The following CEP43 variants were observed in gnomAD, a reference collection of about 807,000 sequenced individuals.
CEP43 encodes centrosomal protein 43.
CEP43 carries 36 observed loss-of-function variants against 52.6 expected under a neutral mutation model. The observed-to-expected ratio is 0.68, with a 90% CI of 0.52 to 0.90. The LOEUF is 0.90. Among genes scored for constraint, CEP43 ranks in the 40% least tolerant of loss-of-function variants. The probability of loss-of-function intolerance (pLI) is 0.00; values close to 1 mark genes in which losing one functional copy is unlikely to be tolerated. For synonymous variants in CEP43, 192 were observed against 172.4 expected (o/e 1.11, Z -0.89); for missense variants, 506 against 472.8 (o/e 1.07, Z -0.65).
At chr6:167,005,627 T>G (rs1286263262) in intron 5 of CEP43, among the ~76,000 whole-genome samples, 1 of 152,220 alleles carries the variant, frequency 6.6e-6, no homozygotes. Context: ...GCGCAGGTTG[T>G]CACTTCAGCT....
At chr6:167,019,052 A>G (rs1780164749) in intron 7 of CEP43, among the ~76,000 whole-genome samples, 1 of 152,230 alleles carries the variant, frequency 6.6e-6, no homozygotes, top group Non-Finnish European at 1.5e-5. Context: ...ACGTTGAGCC[A>G]CGGCTTCCAG....
intron 10 of CEP43, among the ~76,000 whole-genome samples, chr6:167,028,814 CAT>C (rs917740922): frequency 2.0e-5 from 3 of 152,180 alleles, no homozygotes; most frequent in African/African-American, 7.2e-5. Flanking sequence ...GTTATTTAGA[CAT>C]ATTGAAATAA....
intron 7 of CEP43, among the ~76,000 whole-genome samples, chr6:167,019,540 A>T (rs907198415): frequency 1.3e-5 from 2 of 152,214 alleles, no homozygotes; most frequent in African/African-American, 4.8e-5. Flanking sequence ...TAAAGTAGTA[A>T]CATGTTACTG....
In CEP43 at chr6:167,026,626, T is replaced by A. The variant is rs944930285; in HGVS notation, c.988+11T>A. ...GATCACTTGGATTAGGTAATTAGATTTCTAGTTTTTGTGCTGATCGTTTTA... is the reference window on the plus strand; with the variant it reads ...GATCACTTGGATTAGGTAATTAGATATCTAGTTTTTGTGCTGATCGTTTTA... On this transcript the variant is annotated intron_variant, in intron 10 of 12. Coordinates refer to ENST00000366847, the MANE Select transcript of CEP43 (RefSeq NM_007045.4). The A allele has an allele frequency of 3.3e-6, 5 of 1,533,360 alleles. No homozygotes were observed. The highest frequency in any genetic ancestry group is 9.0e-7 in the Non-Finnish European group (1 of 1,107,010). 95.0% of individuals were successfully genotyped at this position (1,533,360 alleles called of 1,614,324 possible). A position where few individuals can be genotyped will look rare whatever the true frequency, so the allele number is the denominator to read the frequency against.
Position 167,045,600 on chromosome 6 carries a change from T to C in CEP43, c.*5622T>C, listed in dbSNP as rs1362681305. The C allele has an allele frequency of 6.6e-6, 1 of 151,942 alleles. No individual in the cohort carries two copies. The highest frequency in any genetic ancestry group is 1.5e-5 in the Non-Finnish European group (1 of 68,048). The allele number at this position is 151,942 out of a possible 1,614,324, so 9.4% of individuals were successfully genotyped here. On this transcript the variant is annotated 3_prime_UTR_variant, in exon 13 of 13. Transcript: ENST00000366847. ...CAGAAAAAAAATGAGCTGGGTGCGA[T>C]GGTGGGTGCCTGCAGTCCCAGCTAC...
In CEP43 at chr6:167,047,443, G is replaced by GGGAT. The variant is rs1452852263; in HGVS notation, c.*7466_*7469dup. On this transcript the variant is annotated 3_prime_UTR_variant, in exon 13 of 13. Transcript: ENST00000366847. The stretch of plus-strand genomic sequence containing the variant: ...ATTCTCAGTTTTCTCATCTGTAAAG[G>GGGAT]GGATTAAATACTTCCTTCCCTTACA... The GGGAT allele has an allele frequency of 1.3e-5, 2 of 152,114 alleles. No individual in the cohort carries two copies. The highest frequency in any genetic ancestry group is 2.9e-5 in the Non-Finnish European group (2 of 68,030). 9.4% of individuals were successfully genotyped at this position (152,114 alleles called of 1,614,324 possible).
At chr6:167,017,776 C>T (rs998783608) in intron 7 of CEP43, among the ~76,000 whole-genome samples, 2 of 152,080 alleles carry the variant, frequency 1.3e-5, no homozygotes, top group African/African-American at 4.8e-5. Context: ...CTTATGGCTG[C>T]ACTATAATTT....
chr6:167,027,899 T>G (rs1332764569), intron 10 of CEP43: 1 of 985,634 alleles, frequency 1.0e-6, no homozygotes. Flanking sequence ...GCCCGGATTC[T>G]TGTTCCGCAC....
intron 8 of CEP43, among the ~76,000 whole-genome samples, chr6:167,022,931 A>G (rs1229818094): frequency 6.6e-6 from 1 of 152,068 alleles, no homozygotes. Context: ...CAGGAAGCTC[A>G]TGCTCTGGTG....
intron 7 of CEP43, 74 bp downstream of exon 7, chr6:167,013,641 C>T: frequency 8.3e-7 from 1 of 1,199,656 alleles, no homozygotes; most frequent in Non-Finnish European, 1.2e-6. Context: ...TCCTGGAGCG[C>T]TGGGCTCCTG....
chr6:167,008,993 A>T (rs1396295007), intron 5 of CEP43, among the ~76,000 whole-genome samples: 1 of 152,130 alleles, frequency 6.6e-6, no homozygotes, highest in Non-Finnish European at 1.5e-5. Context: ...GGTGGCTCAC[A>T]CCTGTAATTC....
chr6:167,003,084 G>A, intron 2 of CEP43, 109 bp from the exon 3 acceptor site: 1 of 547,192 alleles, frequency 1.8e-6, no homozygotes. Flanking sequence ...AACAGTTGTA[G>A]AATGGATTTT....
intron 7 of CEP43, among the ~76,000 whole-genome samples, chr6:167,016,393 C>G (rs1338576670): frequency 2.6e-5 from 4 of 152,144 alleles, no homozygotes; most frequent in Non-Finnish European, 4.4e-5. Flanking sequence ...GCTAGGACAA[C>G]AGGTGCATGC....
intron 10 of CEP43, chr6:167,028,153 T>C (rs2128665824): frequency 3.0e-6 from 3 of 985,144 alleles, no homozygotes; most frequent in East Asian, 1.1e-4. Flanking sequence ...CTTTGTGTTC[T>C]GTTTTTTTCA....
intron 10 of CEP43, chr6:167,028,628 T>C: frequency 3.2e-6 from 1 of 314,368 alleles, no homozygotes; most frequent in Non-Finnish European, 4.6e-6. Context: ...GGTAAGTGCC[T>C]GGCACTGTAC....
chr6:167,039,953 C>A lies in CEP43; in HGVS notation c.1175C>A (p.Ala392Glu). The A allele has an allele frequency of 6.2e-7, 1 of 1,613,638 alleles. No individual in the cohort carries two copies. Among genetic ancestry groups the A allele is most frequent in the Non-Finnish European group, 8.5e-7 (1 of 1,179,784 alleles). ...DLTVSQLSDVADYLEDVA is the reference protein window; with the variant it reads ...DLTVSQLSDVEDYLEDVA ...ACTGTATCCCAGCTCAGTGATGTTG[C>A]GGATTATCTGGAAGATGTTGCATAG... Residue 392 changes from alanine to glutamate, a missense_variant, in exon 13 of 13, where the codon GCG becomes GAG. Ala to Glu is a moderately radical substitution (Grantham distance 107). Coordinates refer to ENST00000366847, the MANE Select transcript of CEP43 (RefSeq NM_007045.4).
chr6:167,038,300 CTTCTGTTT>C (rs2128668621), intron 12 of CEP43, among the ~76,000 whole-genome samples: 1 of 149,816 alleles, frequency 6.7e-6, no homozygotes, highest in East Asian at 2.1e-4. Flanking sequence ...CCTGTCTGCC[CTTCTGTTT>C]TCACTTCATG....
In CEP43 at chr6:167,021,732, G is replaced by A. The variant is rs185921022; in HGVS notation, c.580-677G>A. On this transcript the variant is annotated intron_variant, in intron 7 of 12. Coordinates refer to ENST00000366847, the MANE Select transcript of CEP43 (RefSeq NM_007045.4). Reference sequence around the variant, plus strand: ...TAGAGAAATACACACACACACACACGTATATATGTCCATGGACATCAAAAT... The same window carrying A: ...TAGAGAAATACACACACACACACACATATATATGTCCATGGACATCAAAAT... Among the ~76,000 whole-genome samples, 312 of 149,562 alleles carry A rather than the reference G, an allele frequency of 2.1e-3. 2 individuals carry two copies. The highest frequency in any genetic ancestry group is 7.4e-3 in the African/African-American group (300 of 40,428).
At chr6:167,006,497 C>T (rs879494374) in intron 5 of CEP43, among the ~76,000 whole-genome samples, 3 of 151,336 alleles carry the variant, frequency 2.0e-5, no homozygotes, top group African/African-American at 2.4e-5. Flanking sequence ...GGCGACAGAG[C>T]GAGACTCCAT....
Sources: gnomAD v4.1 joint callset for allele counts (sites outside exome capture counted in the v4.1 genomes callset) on GRCh38, gnomAD v4.1.1 for gene constraint, MANE v1.5 for transcripts, NCBI Gene and HGNC (gene_info 2026-07-23, HGNC 2026-07-21) for gene names.